The following GALNT15 variants were observed in gnomAD, a reference collection of about 807,000 sequenced individuals.
GALNT15 encodes UDP-GalNAc transferase T15.
GALNT15 carries 67 observed loss-of-function variants against 66.8 expected under a neutral mutation model. The observed-to-expected ratio is 1.00, with a 90% confidence interval of 0.82 to 1.23. The LOEUF is 1.23. Among genes scored for constraint, GALNT15 ranks in the 50% most tolerant of loss-of-function variants. The pLI, the probability that GALNT15 is intolerant of heterozygous loss-of-function variation, is 0.00. For missense variants in GALNT15, 827 were observed against 804.3 expected (o/e 1.03, Z -0.34); for synonymous variants, 313 against 311.5 (o/e 1.00, Z -0.05).
downstream of GALNT15, among the ~76,000 whole-genome samples, chr3:16,232,507 TA>T (rs1559698435): frequency 6.0e-3 from 506 of 84,018 alleles, 25 homozygotes; most frequent in African/African-American, 0.025. Context: ...TATATATATA[TA>T]TATTTATTTA....
intron 6 of GALNT15, among the ~76,000 whole-genome samples, chr3:16,216,586 T>C (rs2089249): frequency 0.83 from 126,288 of 151,998 alleles, 52,951 homozygotes; most frequent in East Asian, 1. Flanking sequence ...AGCGATCAAT[T>C]AAGTGCGCAG....
At chr3:16,208,821 A>G in intron 4 of GALNT15, 151 bp downstream of exon 4, 1 of 716,294 alleles carries the variant, frequency 1.4e-6, no homozygotes, top group Non-Finnish European at 2.3e-6. Context: ...GAGAGCAATC[A>G]TAGTATTTAC....
intron 4 of GALNT15, 112 bp downstream of exon 4, chr3:16,208,782 G>A (rs2063784168): frequency 3.3e-6 from 3 of 920,152 alleles, no homozygotes; most frequent in South Asian, 3.3e-5. Flanking sequence ...ATTACTTAAT[G>A]TATGCCACAG....
intron 2 of GALNT15, among the ~76,000 whole-genome samples, chr3:16,198,712 T>A (rs577644266): frequency 7.0e-6 from 1 of 142,604 alleles, no homozygotes; most frequent in African/African-American, 2.6e-5. Context: ...CCAGTGAGAA[T>A]TGCAACAGCC....
chr3:16,214,455 T>A (rs2063851345), intron 6 of GALNT15, among the ~76,000 whole-genome samples: 1 of 152,352 alleles, frequency 6.6e-6, no homozygotes, highest in Middle Eastern at 3.4e-3. Context: ...AATAAATACG[T>A]TAATAAATCC....
In GALNT15 at chr3:16,195,026, G is replaced by A. The variant is rs981213521; in HGVS notation, c.540-734G>A. Among the ~76,000 whole-genome samples, 1 of 152,148 alleles carries A rather than the reference G, an allele frequency of 6.6e-6. No homozygotes were observed. Among genetic ancestry groups the A allele is most frequent in the Non-Finnish European group, 1.5e-5 (1 of 68,026 alleles). ...TAGTAAGTGCTAACATTTAAAAATT[G>A]TGTGCCAGGTGCTATGCTAGGTTGT... On this transcript the variant is annotated intron_variant, in intron 1 of 9. Transcript: ENST00000339732. The surrounding 1 kb of genome is among the most constrained non-coding windows in gnomAD (Gnocchi z 4.6).
At position 16,175,513 on chromosome 3, in the gene GALNT15, A is replaced by G. The variant is rs919304101; in HGVS notation, c.362A>G (p.Lys121Arg). The G allele has an allele frequency of 1.2e-6, 2 of 1,613,994 alleles. No individual in the cohort carries two copies. Among genetic ancestry groups the G allele is most frequent in the African/African-American group, 2.7e-5 (2 of 75,030 alleles). ...GRRGGSYRLI[K>R]QPRRQDKEAP... ...AGAGGTGGGAGCTACCGCCTCATCA[A>G]GCAGCCAAGGAGGCAGGATAAGGAA... Residue 121 changes from lysine (K) to arginine (R), a missense_variant, in exon 1 of 10, where the codon AAG (lysine) becomes AGG (arginine). Physicochemically the swap from Lys to Arg is conservative, Grantham distance 26. Transcript: ENST00000339732. This position sits in a 1 kb window ranked among gnomAD's most constrained non-coding sequence, Gnocchi z 5.6.
At position 16,225,345 on chromosome 3, in the gene GALNT15, T is replaced by A. The variant is rs1453205515; in HGVS notation, c.1774-2009T>A. Among the ~76,000 whole-genome samples the A allele has an allele frequency of 6.6e-6, 1 of 152,154 alleles. No homozygotes were observed. The highest frequency in any genetic ancestry group is 1.5e-5 in the Non-Finnish European group (1 of 68,032). On this transcript the variant is annotated intron_variant, in intron 9 of 9. Coordinates refer to ENST00000339732, the MANE Select transcript of GALNT15 (RefSeq NM_054110.5). This position sits in a 1 kb window ranked among gnomAD's most constrained non-coding sequence, Gnocchi z 4.4. The stretch of plus-strand genomic sequence containing the variant: ...TCCAAACTATATCAACTACTAAACT[T>A]TACACTTAAAAATGCCTAAGATTGT...
downstream of GALNT15, among the ~76,000 whole-genome samples, chr3:16,233,137 C>T (rs182798578): frequency 4.3e-4 from 32 of 74,638 alleles, no homozygotes; most frequent in Middle Eastern, 0.018. Flanking sequence ...GCTGTGTCAC[C>T]CAGGCTGGAG....
rs2064042702 is a variant in GALNT15, at chr3:16,228,125, A to T, written c.*625A>T. 1.0e-6 allele frequency: 1 copy of T among 985,946 alleles called. No homozygotes were observed. The highest frequency in any genetic ancestry group is 1.2e-6 in the Non-Finnish European group (1 of 830,092). 61.1% of individuals were successfully genotyped at this position (985,946 alleles called of 1,614,324 possible). Reference sequence around the variant, plus strand: ...AACCCAGCAGCTGAAAAGCTTCAAGAGATCTAGGAAAAGACATTTTCATGT... The same window carrying T: ...AACCCAGCAGCTGAAAAGCTTCAAGTGATCTAGGAAAAGACATTTTCATGT... On this transcript the variant is annotated 3_prime_UTR_variant, in exon 10 of 10. Transcript: ENST00000339732.
intron 9 of GALNT15, 65 bp downstream of exon 9, chr3:16,222,823 T>G: frequency 6.3e-7 from 1 of 1,576,770 alleles, no homozygotes; most frequent in Non-Finnish European, 8.7e-7. Context: ...TGGTTGGCAT[T>G]GGATCCTGGG....
the GALNT15 span, among the ~76,000 whole-genome samples, chr3:16,244,255 G>A: frequency 3.9e-5 from 6 of 152,186 alleles, no homozygotes; most frequent in East Asian, 1.9e-4. Flanking sequence ...GACAGAGCTC[G>A]CCGATCCATT....
At position 16,229,182 on chromosome 3, in the gene GALNT15, A is replaced by G; in HGVS notation, c.*1682A>G. On this transcript the variant is annotated 3_prime_UTR_variant, in exon 10 of 10. Transcript: ENST00000339732. ...AGTGGGAAGTGCAGTGTTTCCAAACAATACCTATCATAACTACGTATTCAT... is the reference window on the plus strand; with the variant it reads ...AGTGGGAAGTGCAGTGTTTCCAAACGATACCTATCATAACTACGTATTCAT... 1.0e-6 allele frequency: 1 copy of G among 985,384 alleles called. No individual in the cohort carries two copies. Among genetic ancestry groups the G allele is most frequent in the Non-Finnish European group, 1.2e-6 (1 of 829,900 alleles). 61.0% of individuals were successfully genotyped at this position (985,384 alleles called of 1,614,324 possible). A position where few individuals can be genotyped will look rare whatever the true frequency, so the allele number is the denominator to read the frequency against.
At chr3:16,243,181 C>T in the GALNT15 span, among the ~76,000 whole-genome samples, 2 of 152,242 alleles carry the variant, frequency 1.3e-5, no homozygotes, top group South Asian at 2.1e-4. Flanking sequence ...GCAGACCAGG[C>T]TCCCAAGGCT....
In GALNT15 at chr3:16,200,682, G is replaced by A. The variant is rs758630696; in HGVS notation, c.770G>A (p.Ser257Asn). 1 of 1,607,916 alleles carries A rather than the reference G, an allele frequency of 6.2e-7. No individual in the cohort carries two copies. ...CTGGAGGGGGTGAAGTTACTCAGGA[G>A]CAACAAGAGGCTGGGTGCCATCAGG... ...ARLEGVKLLR[S>N]NKRLGAIRAR... is the part of the protein sequence containing the mutation. The change falls in exon 3 of 10, where the codon AGC becomes AAC. Residue 257 changes from serine (S) to asparagine (N), a missense_variant. Transcript: ENST00000339732. This position sits in a 1 kb window ranked among gnomAD's most constrained non-coding sequence, Gnocchi z 4.4.
chr3:16,233,276 G>C (rs1460795430), downstream of GALNT15, among the ~76,000 whole-genome samples: 1 of 151,132 alleles, frequency 6.6e-6, no homozygotes, highest in Non-Finnish European at 1.5e-5. Context: ...TGTATTTTTA[G>C]TGGCGATGGG....
At chr3:16,231,681 TC>T (rs1220764091), downstream of GALNT15, 1 of 799,688 alleles carries the variant, frequency 1.3e-6, no homozygotes, top group Non-Finnish European at 2.0e-6. This position sits in a 1 kb window ranked among gnomAD's most constrained non-coding sequence, Gnocchi z 4.1. Flanking sequence ...CCCTAACAAT[TC>T]CCAAACTGTT....
chr3:16,186,441 A>T lies in GALNT15; in HGVS notation c.540-9319A>T, dbSNP rs569367175. ...GGCCAGTAATACCAGTCCTAGGTAT[A>T]TACTCAAGAAAATTAAAAACATGTT... On this transcript the variant is annotated intron_variant, in intron 1 of 9. Coordinates refer to ENST00000339732, the MANE Select transcript of GALNT15 (RefSeq NM_054110.5). The surrounding 1 kb of genome is among the most constrained non-coding windows in gnomAD (Gnocchi z 5.1). Among the ~76,000 whole-genome samples, 13 of 152,354 alleles carry T rather than the reference A, an allele frequency of 8.5e-5. No individual in the cohort carries two copies. The highest frequency in any genetic ancestry group is 2.6e-4 in the African/African-American group (11 of 41,578).
In GALNT15 at chr3:16,219,282, G is replaced by A. The variant is rs148204805; in HGVS notation, c.1393-121G>A. 5.7e-5 allele frequency: 73 copies of A among 1,287,168 alleles called. 1 individual carries two copies. In the Middle Eastern group the frequency reaches 9.7e-4, roughly 17 times the overall value. 79.7% of individuals were successfully genotyped at this position (1,287,168 alleles called of 1,614,324 possible). ...CCCACTGCAGCCCTGGAGAACTGTG[G>A]TCTTGGCCCCTTCCTTCTGTCCTGA... is the stretch of plus-strand genomic sequence containing the variant. On this transcript the variant is annotated intron_variant, in intron 6 of 9. Coordinates refer to ENST00000339732, the MANE Select transcript of GALNT15 (RefSeq NM_054110.5). The surrounding 1 kb of genome is among the most constrained non-coding windows in gnomAD (Gnocchi z 4.3).
Sources: gnomAD v4.1 joint callset for allele counts (sites outside exome capture counted in the v4.1 genomes callset) on GRCh38, gnomAD v4.1.1 for gene constraint, Gnocchi (gnomAD v3.1) non-coding constraint, MANE v1.5 for transcripts, NCBI Gene and HGNC (gene_info 2026-07-23, HGNC 2026-07-21) for gene names.